ST7: variants seen among roughly 807,000 people sequenced by gnomAD.
The protein encoded by ST7 is suppressor of tumorigenicity 7 protein.
A neutral mutation model predicts 78.7 loss-of-function variants in ST7; 28 were observed. The ratio of observed to expected loss-of-function variants is 0.36; its 90% CI spans 0.26 to 0.49. The LOEUF (loss-of-function observed/expected upper bound fraction) is 0.49. Ranked by LOEUF, ST7 falls within the 20% of genes least tolerant of loss-of-function variation. ST7 has a pLI of 0.99. For synonymous variants in ST7, 247 were observed against 249.6 expected, an observed-to-expected ratio of 0.99 and a Z score of 0.10; for missense variants, 418 against 696.0, an observed-to-expected ratio of 0.60 and a Z score of 4.49.
chr7:117,079,577 T>C (rs1799604073), intron 1 of ST7, among the ~76,000 whole-genome samples: 1 of 152,244 alleles, frequency 6.6e-6, no homozygotes, highest in Non-Finnish European at 1.5e-5. Context: ...TGTCAACTTA[T>C]TCTTAAATAA....
At chr7:117,162,023 G>A (rs540152772) in intron 9 of ST7, among the ~76,000 whole-genome samples, 9 of 152,078 alleles carry the variant, frequency 5.9e-5, no homozygotes, top group East Asian at 3.9e-4. Context: ...GTACTTATTC[G>A]CTGAAAACTA....
intron 9 of ST7, among the ~76,000 whole-genome samples, chr7:117,148,575 C>A (rs1181435506): frequency 1.3e-5 from 2 of 152,084 alleles, no homozygotes; most frequent in Non-Finnish European, 2.9e-5. Flanking sequence ...ACTTTCTCTC[C>A]CATTGAAAAT....
chr7:117,170,888 T>C lies in ST7; in HGVS notation c.990T>C (p.Ser330=), dbSNP rs1205173075. The C allele has an allele frequency of 6.2e-7, 1 of 1,606,524 alleles. No individual in the cohort carries two copies. The highest frequency in any genetic ancestry group is 8.5e-7 in the Non-Finnish European group (1 of 1,176,014). ...TAATGAAGGAGTTCCCCCTTCTGAG[T>C]ATGTTCAATATCCATGAAAACCTTT... ...RDLMKEFPLL[S]MFNIHENLLE... Residue 330 remains serine, a synonymous_variant, in exon 10 of 16, where the codon AGT becomes AGC. Coordinates refer to ENST00000323984, the MANE Select transcript of ST7 (RefSeq NM_001369598.1).
In ST7 at chr7:117,098,008, C is replaced by T. The variant is rs78170890; in HGVS notation, c.152-1754C>T. 7.6e-3 allele frequency among the ~76,000 whole-genome samples: 1,121 copies of T among 146,688 alleles called. 9 individuals are homozygous for T. Among genetic ancestry groups the T allele is most frequent in the African/African-American group, 0.022 (869 of 39,758 alleles). On this transcript the variant is annotated intron_variant, in intron 1 of 15. Transcript: ENST00000323984. ...AGTAAGCTGATGACTACTTCTGTGC[C>T]TTCTTCTACCTTCCCGGAAGTTCCA...
intron 13 of ST7, 74 bp downstream of exon 13, chr7:117,210,011 A>G: frequency 6.6e-7 from 1 of 1,511,492 alleles, no homozygotes; most frequent in Non-Finnish European, 8.9e-7. Context: ...ACTGTTTATG[A>G]TGAATAATGA....
rs537893560 is a variant in ST7 at position 117,086,578 on chromosome 7, A to G, written c.152-13184A>G. Reference sequence around the variant, plus strand: ...TTTAAGAGGGGAAAATGCCATTTACATGGGCTAGGAGCATTTTTATTAGGG... The same window carrying G: ...TTTAAGAGGGGAAAATGCCATTTACGTGGGCTAGGAGCATTTTTATTAGGG... On this transcript the variant is annotated intron_variant, in intron 1 of 15. Transcript: ENST00000323984. 3.9e-5 allele frequency among the ~76,000 whole-genome samples: 6 copies of G among 152,334 alleles called. No individual in the cohort carries two copies. In the South Asian group the frequency reaches 8.3e-4, roughly 21 times the overall value.
chr7:117,087,887 C>T (rs1017030796), intron 1 of ST7, among the ~76,000 whole-genome samples: 31 of 152,248 alleles, frequency 2.0e-4, no homozygotes, highest in African/African-American at 4.3e-4. Context: ...AAATAATTCC[C>T]GCAGCTGCAC....
intron 1 of ST7, among the ~76,000 whole-genome samples, chr7:116,986,907 A>C (rs982554764): frequency 1.3e-5 from 2 of 152,224 alleles, no homozygotes; most frequent in African/African-American, 4.8e-5. Context: ...AAGAACCGGC[A>C]AAGGAGACTG....
intron 1 of ST7, among the ~76,000 whole-genome samples, chr7:117,014,584 C>T (rs1020696774): frequency 1.3e-5 from 2 of 152,142 alleles, no homozygotes; most frequent in African/African-American, 2.4e-5. Flanking sequence ...AAAATTTGGA[C>T]GCTGATTCCT....
At chr7:117,192,560 G>C (rs183385869) in intron 12 of ST7, among the ~76,000 whole-genome samples, 4 of 152,244 alleles carry the variant, frequency 2.6e-5, no homozygotes, top group Non-Finnish European at 5.9e-5. Flanking sequence ...GATTTTTGAT[G>C]ATTTTAATAT....
At chr7:117,193,125 G>A (rs1255994589) in intron 12 of ST7, among the ~76,000 whole-genome samples, 3 of 147,708 alleles carry the variant, frequency 2.0e-5, no homozygotes, top group African/African-American at 7.9e-5. Context: ...TATGCAGTGT[G>A]CTCTAAATAT....
At chr7:117,195,487 C>G (rs1810223631) in intron 12 of ST7, among the ~76,000 whole-genome samples, 1 of 152,158 alleles carries the variant, frequency 6.6e-6, no homozygotes, top group Non-Finnish European at 1.5e-5. Flanking sequence ...TAAAGACATA[C>G]TCAAGACTAA....
intron 1 of ST7, among the ~76,000 whole-genome samples, chr7:116,958,084 C>A (rs1792610105): frequency 1.3e-5 from 2 of 151,712 alleles, no homozygotes; most frequent in Non-Finnish European, 2.9e-5. Flanking sequence ...CCTGCAGGCT[C>A]AAGCAATCCT....
chr7:117,027,473 T>TAAAGTAAAGTAAAGTAAAGTAAAGTAA (rs1796259445), intron 1 of ST7, among the ~76,000 whole-genome samples: 59 of 138,192 alleles, frequency 4.3e-4, no homozygotes, highest in African/African-American at 1.9e-3. Context: ...AAAAGTAAAG[T>TAAAGTAAAGTAAAGTAAAGTAAAGTAA]AAAGTAAAGT....
intron 1 of ST7, among the ~76,000 whole-genome samples, chr7:116,976,234 A>G (rs1327358912): frequency 1.3e-5 from 2 of 152,176 alleles, no homozygotes; most frequent in African/African-American, 4.8e-5. Flanking sequence ...ACTACACTCC[A>G]GCCTGGGTGA....
chr7:116,988,445 T>C (rs1794278316), intron 1 of ST7, among the ~76,000 whole-genome samples: 1 of 152,232 alleles, frequency 6.6e-6, no homozygotes, highest in Non-Finnish European at 1.5e-5. Context: ...ATTTAGTTTT[T>C]ACTGTATTTT....
At position 116,963,483 on chromosome 7, in the gene ST7, G is replaced by C. The variant is rs183763623; in HGVS notation, c.151+9792G>C. On this transcript the variant is annotated intron_variant, in intron 1 of 15. Transcript: ENST00000323984. ...AGTATTTTATGTTGCTGTGGCTGTG[G>C]TATCACTGTTTAATTGCAGTTACCA... is the stretch of plus-strand genomic sequence containing the variant. Among the ~76,000 whole-genome samples, 120 of 152,272 alleles carry C rather than the reference G, an allele frequency of 7.9e-4. 3 individuals carry two copies. The highest frequency in any genetic ancestry group is 7.8e-3 in the Admixed American group (120 of 15,294).
chr7:117,002,101 G>T (rs1399058950), intron 1 of ST7, among the ~76,000 whole-genome samples: 1 of 151,996 alleles, frequency 6.6e-6, no homozygotes, highest in African/African-American at 2.4e-5. Context: ...GGTGGTGCAT[G>T]CCTATAGTCC....
intron 1 of ST7, among the ~76,000 whole-genome samples, chr7:116,974,292 CT>C (rs888429847): frequency 1.4e-3 from 197 of 143,802 alleles, no homozygotes; most frequent in Non-Finnish European, 1.5e-3. Flanking sequence ...CTTTTCTTTT[CT>C]TTTTTTTTTT....
Sources: gnomAD v4.1 joint callset for allele counts (sites outside exome capture counted in the v4.1 genomes callset) on GRCh38, gnomAD v4.1.1 for gene constraint, MANE v1.5 for transcripts, NCBI Gene and HGNC (gene_info 2026-07-23, HGNC 2026-07-21) for gene names.